BTBD17: variants seen among roughly 807,000 people sequenced by gnomAD.
BTBD17 encodes BTB domain containing 17.
In BTBD17, 26 loss-of-function variants were observed where a neutral mutation model predicts 36.9. That is an observed-to-expected ratio of 0.70 (90% CI 0.52 to 0.98). The LOEUF (loss-of-function observed/expected upper bound fraction) is 0.98. Among genes scored for constraint, BTBD17 ranks in the 50% least tolerant of loss-of-function variants. BTBD17 has a pLI of 0.00. For missense variants in BTBD17, 630 were observed against 691.3 expected (o/e 0.91, Z 0.99); for synonymous variants, 341 against 338.0 (o/e 1.01, Z -0.10).
At chr17:74,360,345 T>A (rs11870955) in intron 1 of BTBD17, 100 bp from the exon 2 acceptor site, 359,205 of 1,293,632 alleles carry the variant, frequency 0.28, 51,844 homozygotes, top group Middle Eastern at 0.38. Flanking sequence ...TGCATGGGTG[T>A]GAGCAGAGGG....
At position 74,361,763 on chromosome 17, in the gene BTBD17, C is replaced by T; in HGVS notation, c.57G>A (p.Leu19=). The T allele has an allele frequency of 1.2e-6, 2 of 1,613,826 alleles. No homozygotes were observed. The highest frequency in any genetic ancestry group is 1.7e-6 in the Non-Finnish European group (2 of 1,179,886). ...CATGGGTGACCAGGCCCACCAAGGT[C>T]AGCATGGCCCAGAAGCTGCCCCAGG... is the stretch of plus-strand genomic sequence containing the variant. The part of the protein sequence containing the change: ...PGSWGSFWAM[L]TLVGLVTHAA... Residue 19 remains leucine, a synonymous_variant, in exon 1 of 3, where the codon CTG becomes CTA. Transcript: ENST00000375366.
rs1383580172 is a variant in BTBD17, at chr17:74,357,556, C to T, written c.538G>A (p.Gly180Arg). 6.4e-7 allele frequency: 1 copy of T among 1,553,816 alleles called. No homozygotes were observed. Among genetic ancestry groups the T allele is most frequent in the Non-Finnish European group, 8.6e-7 (1 of 1,156,820 alleles). The change falls in exon 3 of 3, where the codon GGG (glycine) becomes AGG (arginine). Residue 180 changes from glycine (G) to arginine (R), a missense_variant. Physicochemically the swap from Gly to Arg is moderately radical, Grantham distance 125. Transcript: ENST00000375366. This position sits in a 1 kb window ranked among gnomAD's most constrained non-coding sequence, Gnocchi z 8.4. Reference protein sequence around the residue: ...VGWYHYAVGTGDEALRESCLQ... With the variant: ...VGWYHYAVGTRDEALRESCLQ... ...CAGCTCTCGCGCAGGGCCTCGTCCC[C>T]GGTGCCCACCGCGTAGTGGTACCAG...
Position 74,361,740 on chromosome 17 carries a change from T to C in BTBD17, c.80A>G (p.His27Arg). Residue 27 changes from histidine to arginine, a missense_variant, in exon 1 of 3, where the codon CAT becomes CGT. By Grantham distance (29) the His-to-Arg change is conservative (BLOSUM62 0). Coordinates refer to ENST00000375366, the MANE Select transcript of BTBD17 (RefSeq NM_001080466.2). ...AMLTLVGLVT[H>R]AAQRADVGGE... ...CTGGCCCACTGCCCGCTCACCTGCA[T>C]GGGTGACCAGGCCCACCAAGGTCAG... The C allele has an allele frequency of 1.9e-6, 3 of 1,613,250 alleles. No individual in the cohort carries two copies. Among genetic ancestry groups the C allele is most frequent in the Non-Finnish European group, 2.5e-6 (3 of 1,179,570 alleles).
At position 74,360,243 on chromosome 17, in the gene BTBD17, G is replaced by T; in HGVS notation, c.88C>A (p.Gln30Lys). The T allele has an allele frequency of 6.2e-7, 1 of 1,603,034 alleles. No homozygotes were observed. The highest frequency in any genetic ancestry group is 8.5e-7 in the Non-Finnish European group (1 of 1,173,624). Residue 30 changes from glutamine (Q) to lysine (K), a missense_variant and splice_region_variant, in exon 2 of 3, where the codon CAG becomes AAG. Transcript: ENST00000375366. ...GCCTCCCCGCCAACATCGGCTCTCT[G>T]TGCTGCAGCAGGAAGGAACACAGCA... ...TLVGLVTHAA[Q>K]RADVGGEAAG...
chr17:74,360,187 C>T lies in BTBD17; in HGVS notation c.144G>A (p.Ala48=), dbSNP rs767731587. 7.8e-5 allele frequency: 125 copies of T among 1,611,516 alleles called. No homozygotes were observed. Among genetic ancestry groups the T allele is most frequent in the Non-Finnish European group, 9.0e-5 (106 of 1,179,386 alleles). The change falls in exon 2 of 3, where the codon GCG becomes GCA. Residue 48 remains alanine, a synonymous_variant. Transcript: ENST00000375366. ...AAGTSINHSQ[A]VLQRLQELLR... ...GCAGCTCCTGCAAGCGCTGGAGCAC[C>T]GCCTGGGAGTGGTTGATGGAGGTGC...
chr17:74,361,669 G>A (rs920151936), intron 1 of BTBD17, 66 bp downstream of exon 1: 171 of 1,387,762 alleles, frequency 1.2e-4, no homozygotes, highest in African/African-American at 2.0e-4. Flanking sequence ...GGCCGGCCGC[G>A]TGCAGCCAGG....
intron 2 of BTBD17, among the ~76,000 whole-genome samples, 156 bp downstream of exon 2, chr17:74,359,813 G>A (rs3744152): frequency 0.23 from 35,473 of 152,140 alleles, 4,966 homozygotes; most frequent in Middle Eastern, 0.41. Context: ...GAGCTGTACA[G>A]TGGAAGAAGG....
In BTBD17 at chr17:74,357,880, A is replaced by C. The variant is rs1598406073; in HGVS notation, c.363-149T>G. On this transcript the variant is annotated intron_variant, in intron 2 of 2. Coordinates refer to ENST00000375366, the MANE Select transcript of BTBD17 (RefSeq NM_001080466.2). The surrounding 1 kb of genome is among the most constrained non-coding windows in gnomAD (Gnocchi z 8.4). Reference sequence around the variant, plus strand: ...TGGAAGCCCCACCCTGAGGCTTCCCATGTTTTCCTTTCAAGGACCCTTCCA... The same window carrying C: ...TGGAAGCCCCACCCTGAGGCTTCCCCTGTTTTCCTTTCAAGGACCCTTCCA... 1 of 599,386 alleles carries C rather than the reference A, an allele frequency of 1.7e-6. No homozygotes were observed. The highest frequency in any genetic ancestry group is 2.8e-6 in the Non-Finnish European group (1 of 352,968). 37.1% of individuals were successfully genotyped at this position (599,386 alleles called of 1,614,324 possible).
In BTBD17 at chr17:74,357,041, G is replaced by A; in HGVS notation, c.1053C>T (p.Gly351=). ...TQLGPSGHDA[G]RRVTWNVLFS... ...AGAGCACGTTCCAGGTGACCCGGCG[G>A]CCCGCGTCGTGGCCACTCGGGCCCA... Residue 351 remains glycine (G), a synonymous_variant, in exon 3 of 3, where the codon GGC becomes GGT. Transcript: ENST00000375366. The surrounding 1 kb of genome is among the most constrained non-coding windows in gnomAD (Gnocchi z 8.4). 1.3e-6 allele frequency: 2 copies of A among 1,526,976 alleles called. No homozygotes were observed. Among genetic ancestry groups the A allele is most frequent in the East Asian group, 2.6e-5 (1 of 38,014 alleles). 94.6% of individuals were successfully genotyped at this position (1,526,976 alleles called of 1,614,324 possible). A position where few individuals can be genotyped will look rare whatever the true frequency, so the allele number is the denominator to read the frequency against.
rs775356714 is a variant in BTBD17, at chr17:74,356,737, C to A, written c.1357G>T (p.Glu453Ter). Residue 453 changes from glutamate to a stop codon, truncating the protein, a stop_gained, in exon 3 of 3, where the codon GAG becomes TAG. Coordinates refer to ENST00000375366, the MANE Select transcript of BTBD17 (RefSeq NM_001080466.2). LOFTEE classifies it high-confidence loss of function. This position sits in a 1 kb window ranked among gnomAD's most constrained non-coding sequence, Gnocchi z 4.3. ...AHADLQRRNSEYLVENALHLH... is the reference protein window; with the variant it reads ...AHADLQRRNS The stretch of plus-strand genomic sequence containing the variant: ...TGCAGGGCGTTCTCAACCAGGTACT[C>A]GGAGTTGCGCCGCTGCAGGTCGGCG... 1.2e-6 allele frequency: 2 copies of A among 1,600,770 alleles called. No homozygotes were observed. The highest frequency in any genetic ancestry group is 3.4e-5 in the Admixed American group (2 of 58,058).
rs1456021284 is a variant in BTBD17 at position 74,361,098 on chromosome 17, G to A, written c.85+637C>T. Among the ~76,000 whole-genome samples the A allele has an allele frequency of 3.3e-5, 5 of 152,332 alleles. No individual in the cohort carries two copies. The East Asian group carries it at 7.7e-4, about 24-fold the overall frequency. ...CAGGAGAAAGTGCGAAGGGCCAGCT[G>A]GTGCTGGAATAGAACTTCCTGGGTA... On this transcript the variant is annotated intron_variant, in intron 1 of 2. Coordinates refer to ENST00000375366, the MANE Select transcript of BTBD17 (RefSeq NM_001080466.2).
Position 74,356,679 on chromosome 17 carries a change from G to T in BTBD17, c.1415C>A (p.Thr472Asn). The T allele has an allele frequency of 6.4e-7, 1 of 1,563,232 alleles. No homozygotes were observed. The highest frequency in any genetic ancestry group is 1.4e-5 in the African/African-American group (1 of 71,872). Residue 472 changes from threonine to asparagine, a missense_variant, in exon 3 of 3, where the codon ACC (threonine) becomes AAC (asparagine). Physicochemically the swap from Thr to Asn is moderately conservative, Grantham distance 65 (BLOSUM62 0). Coordinates refer to ENST00000375366, the MANE Select transcript of BTBD17 (RefSeq NM_001080466.2). The surrounding 1 kb of genome is among the most constrained non-coding windows in gnomAD (Gnocchi z 4.3). ...LHLIVKPVYH[T>N]LIRTPK ...AGGCTACTTGGGGGTCCGGATAAGG[G>T]TGTGGTATACGGGCTTGACGATGAG... is the stretch of plus-strand genomic sequence containing the variant.
rs754997252 is a variant in BTBD17 at position 74,357,430 on chromosome 17, G to A, written c.664C>T (p.Leu222=). 1 of 1,584,342 alleles carries A rather than the reference G, an allele frequency of 6.3e-7. No homozygotes were observed. The highest frequency in any genetic ancestry group is 1.1e-5 in the South Asian group (1 of 88,918). The change falls in exon 3 of 3, where the codon CTG becomes TTG. Residue 222 remains leucine (L), a synonymous_variant. Transcript: ENST00000375366. The surrounding 1 kb of genome is among the most constrained non-coding windows in gnomAD (Gnocchi z 8.4). Reference sequence around the variant, plus strand: ...AGCTCCAGTTCATCCTGCAGCACCAGGTCCGAGCGTTGCAGGAGCTGCCAG... The same window carrying A: ...AGCTCCAGTTCATCCTGCAGCACCAAGTCCGAGCGTTGCAGGAGCTGCCAG... ...LLWQLLQRSD[L]VLQDELELFH...
rs575893104 is a variant in BTBD17, at chr17:74,358,760, G to A, written c.363-1029C>T. 2.0e-5 allele frequency among the ~76,000 whole-genome samples: 3 copies of A among 152,158 alleles called. No individual in the cohort carries two copies. In the South Asian group the frequency reaches 6.2e-4, roughly 32 times the overall value. On this transcript the variant is annotated intron_variant, in intron 2 of 2. Coordinates refer to ENST00000375366, the MANE Select transcript of BTBD17 (RefSeq NM_001080466.2). ...CACGGCACCGCACTTGCCTCTATAG[G>A]AGTGTGGCAGCCACTGCCAGCCATC... is the stretch of plus-strand genomic sequence containing the variant.
Position 74,357,396 on chromosome 17 carries a change from G to C in BTBD17, c.698C>G (p.Ala233Gly). 6.4e-7 allele frequency: 1 copy of C among 1,574,566 alleles called. No individual in the cohort carries two copies. The highest frequency in any genetic ancestry group is 1.1e-5 in the South Asian group (1 of 87,788). ...VLQDELELFH[A>G]LEAWLGRARP... ...CGCGCGACCCAGCCAGGCCTCCAGC[G>C]CGTGGAACAGCTCCAGTTCATCCTG... Residue 233 changes from alanine to glycine, a missense_variant, in exon 3 of 3, where the codon GCG becomes GGG. Transcript: ENST00000375366. The surrounding 1 kb of genome is among the most constrained non-coding windows in gnomAD (Gnocchi z 8.4).
In BTBD17 at chr17:74,360,124, C is replaced by T. The variant is rs767932216; in HGVS notation, c.207G>A (p.Val69=). Residue 69 remains valine, a synonymous_variant, in exon 2 of 3, where the codon GTG becomes GTA. Transcript: ENST00000375366. Reference sequence around the variant, plus strand: ...GGACCTCATCGGTGCCCGCAGCCTGCACCCGCAGAACCACATCGCTGGCGT... The same window carrying T: ...GGACCTCATCGGTGCCCGCAGCCTGTACCCGCAGAACCACATCGCTGGCGT... ...QGNASDVVLR[V]QAAGTDEVRV... 1 of 1,613,178 alleles carries T rather than the reference C, an allele frequency of 6.2e-7. No individual in the cohort carries two copies. Among genetic ancestry groups the T allele is most frequent in the South Asian group, 1.1e-5 (1 of 91,084 alleles).
intron 1 of BTBD17, among the ~76,000 whole-genome samples, chr17:74,361,456 C>G (rs2054937354): frequency 6.6e-6 from 1 of 152,140 alleles, no homozygotes; most frequent in African/African-American, 2.4e-5. Context: ...ACGGCCTTCC[C>G]CAGCTGTCAC....
At chr17:74,361,347 G>T (rs915076818) in intron 1 of BTBD17, among the ~76,000 whole-genome samples, 1 of 152,246 alleles carries the variant, frequency 6.6e-6, no homozygotes, top group Admixed American at 6.5e-5. Flanking sequence ...GTGCACACAG[G>T]AGAGAAGGCT....
rs1327744155 is a variant in BTBD17 at position 74,357,631 on chromosome 17, CCACGCCGCGCTGCAGGGAGGA to C, written c.442_462del (p.Ser148_Val154del). ...GCCAGGTGCGCGCGCATGTAGTCGGCCACGCCGCGCTGCAGGGAGGACACGCCGTACTTGGTGGCCAGTCTG... is the reference window on the plus strand; with the variant it reads ...GCCAGGTGCGCGCGCATGTAGTCGGCCACGCCGTACTTGGTGGCCAGTCTG... On this transcript the variant is annotated inframe_deletion, in exon 3 of 3. Transcript: ENST00000375366. The surrounding 1 kb of genome is among the most constrained non-coding windows in gnomAD (Gnocchi z 8.4). 1.2e-5 allele frequency: 18 copies of C among 1,549,150 alleles called. No homozygotes were observed. The highest frequency in any genetic ancestry group is 2.7e-5 in the African/African-American group (2 of 73,290).
Sources: allele counts gnomAD v4.1 joint callset (sites outside exome capture counted in the v4.1 genomes callset), GRCh38; gene constraint gnomAD v4.1.1; non-coding constraint Gnocchi (gnomAD v3.1); transcripts MANE v1.5; gene names NCBI Gene and HGNC (gene_info 2026-07-23, HGNC 2026-07-21).